The following ESRRB variants were observed in gnomAD, a reference collection of about 807,000 sequenced individuals.
The protein encoded by ESRRB is steroid hormone receptor ERR2.
A neutral mutation model predicts 46.0 loss-of-function variants in ESRRB; 16 were observed. That is an observed-to-expected ratio of 0.35 (90% confidence interval 0.24 to 0.53). The LOEUF is 0.53. ESRRB is among the 20% of genes least tolerant of loss of function. The pLI, the probability that ESRRB is intolerant of heterozygous loss-of-function variation, is 0.93. For missense variants in ESRRB, 488 were observed against 607.4 expected (o/e 0.80, Z 2.07); for synonymous variants, 246 against 259.6 (o/e 0.95, Z 0.50).
At chr14:76,429,915 G>A (rs1282030958) in intron 1 of ESRRB, among the ~76,000 whole-genome samples, 3 of 151,416 alleles carry the variant, frequency 2.0e-5, no homozygotes, top group South Asian at 2.1e-4. Flanking sequence ...CTTCATTATC[G>A]CTGGTTCGTA....
At chr14:76,355,699 C>T (rs61979373) in intron 1 of ESRRB, among the ~76,000 whole-genome samples, 29,792 of 152,090 alleles carry the variant, frequency 0.2, 3,643 homozygotes, top group Non-Finnish European at 0.28. Flanking sequence ...CAGTTTTCTT[C>T]TCTGTAAAGT....
intron 1 of ESRRB, among the ~76,000 whole-genome samples, chr14:76,379,929 T>C (rs1269342251): frequency 6.6e-6 from 1 of 151,264 alleles, no homozygotes; most frequent in Admixed American, 6.6e-5. Context: ...TTCTATTGAT[T>C]TGGAGTAATC....
chr14:76,487,606 CT>C (rs1159124152), intron 5 of ESRRB, among the ~76,000 whole-genome samples: 2 of 148,950 alleles, frequency 1.3e-5, no homozygotes, highest in Non-Finnish European at 3.0e-5. Flanking sequence ...GGATAAATTT[CT>C]TTTTTTTTCT....
chr14:76,333,642 C>G (rs949733529), intron 1 of ESRRB, among the ~76,000 whole-genome samples: 3 of 149,982 alleles, frequency 2.0e-5, no homozygotes, highest in Non-Finnish European at 4.4e-5. Flanking sequence ...TTTTTTAAGT[C>G]AAAAGAAACA....
In ESRRB at chr14:76,334,151, G is replaced by A. The variant is rs548813894; in HGVS notation, c.2+23235G>A. ...TAAGAATAATAAATCTCTGAAGGAC[G>A]AACAGTCCAGGCAGAAACCAGCAGA... On this transcript the variant is annotated intron_variant, in intron 1 of 6. Coordinates refer to the ESRRB transcript ENST00000512784. Among the ~76,000 whole-genome samples, 14 of 152,220 alleles carry A rather than the reference G, an allele frequency of 9.2e-5. No homozygotes were observed. In the East Asian group the frequency reaches 1.7e-3, roughly 19 times the overall value.
intron 5 of ESRRB, among the ~76,000 whole-genome samples, chr14:76,489,894 G>A (rs2019856): frequency 0.048 from 7,346 of 152,274 alleles, 259 homozygotes; most frequent in Non-Finnish European, 0.081. Flanking sequence ...TGCCAATGGT[G>A]TGCCAACAAC....
chr14:76,361,126 A>G (rs895724835), intron 1 of ESRRB, among the ~76,000 whole-genome samples: 2 of 152,184 alleles, frequency 1.3e-5, no homozygotes, highest in African/African-American at 4.8e-5. Flanking sequence ...AATACATTTG[A>G]GAAGCTGCCC....
At chr14:76,433,955 C>A (rs572198952) in intron 1 of ESRRB, among the ~76,000 whole-genome samples, 2 of 144,424 alleles carry the variant, frequency 1.4e-5, no homozygotes, top group Non-Finnish European at 1.5e-5. Context: ...CTCTGTCCTG[C>A]CTTTACATTT....
intron 2 of ESRRB, among the ~76,000 whole-genome samples, chr14:76,452,479 T>C (rs1888423399): frequency 6.6e-6 from 1 of 151,526 alleles, no homozygotes; most frequent in Non-Finnish European, 1.5e-5. Context: ...ATACAAAAAT[T>C]AGCCAGGCGT....
upstream of ESRRB, among the ~76,000 whole-genome samples, chr14:76,369,614 G>T (rs6574291): frequency 0.21 from 32,193 of 151,748 alleles, 4,217 homozygotes; most frequent in East Asian, 0.44. Flanking sequence ...GCATTTGCTG[G>T]TTTTTTTTCT....
At chr14:76,357,246 G>A (rs931894946) in intron 1 of ESRRB, among the ~76,000 whole-genome samples, 3 of 152,198 alleles carry the variant, frequency 2.0e-5, no homozygotes, top group Admixed American at 2.0e-4. Flanking sequence ...ATGCACAAAA[G>A]TATTACCCAA....
At chr14:76,449,915 C>G (rs2139959263) in intron 2 of ESRRB, among the ~76,000 whole-genome samples, 2 of 152,044 alleles carry the variant, frequency 1.3e-5, no homozygotes, top group Middle Eastern at 3.4e-3. Flanking sequence ...ACCACCATGC[C>G]CGGCTAATTT....
At chr14:76,452,626 A>AAAAAAACAAAAACAAAAC (rs369877913) in intron 2 of ESRRB, among the ~76,000 whole-genome samples, 1 of 124,278 alleles carries the variant, frequency 8.0e-6, no homozygotes, top group Non-Finnish European at 1.6e-5. Flanking sequence ...TCTCCAAAAA[A>AAAAAAACAAAAACAAAAC]AAAAACAAAA....
At chr14:76,323,767 G>A (rs558174013) in intron 1 of ESRRB, among the ~76,000 whole-genome samples, 1 of 152,288 alleles carries the variant, frequency 6.6e-6, no homozygotes, top group African/African-American at 2.4e-5. Flanking sequence ...TCAACTTCCC[G>A]AGTGGTGGCC....
chr14:76,439,824 C>T, intron 2 of ESRRB, 74 bp downstream of exon 2: 1 of 1,517,958 alleles, frequency 6.6e-7, no homozygotes, highest in South Asian at 1.2e-5. Flanking sequence ...TGGCAGAAGC[C>T]CTAGGAATTC....
intron 1 of ESRRB, among the ~76,000 whole-genome samples, chr14:76,401,572 G>T (rs1885946382): frequency 6.6e-6 from 1 of 152,200 alleles, no homozygotes; most frequent in Non-Finnish European, 1.5e-5. Flanking sequence ...GGTCTCATAA[G>T]ATTATAACAC....
upstream of ESRRB, among the ~76,000 whole-genome samples, chr14:76,369,154 G>A (rs1180390239): frequency 6.7e-6 from 1 of 148,536 alleles, no homozygotes; most frequent in African/African-American, 2.5e-5. Flanking sequence ...CTGAGATGGT[G>A]CCACTGCACT....
chr14:76,423,553 T>C (rs890251545), intron 1 of ESRRB, among the ~76,000 whole-genome samples: 11 of 152,156 alleles, frequency 7.2e-5, no homozygotes, highest in Non-Finnish European at 1.6e-4. Flanking sequence ...CTCTGTGGGT[T>C]CTGCTCCTGG....
intron 1 of ESRRB, chr14:76,404,468 T>A (rs1264934722): frequency 2.6e-5 from 4 of 152,192 alleles, no homozygotes; most frequent in Non-Finnish European, 5.9e-5. Flanking sequence ...AGGTATCTAA[T>A]AAATATTGTG....
Sources: gnomAD v4.1 joint callset for allele counts (sites outside exome capture counted in the v4.1 genomes callset) on GRCh38, gnomAD v4.1.1 for gene constraint, MANE v1.5 for transcripts, NCBI Gene and HGNC (gene_info 2026-07-23, HGNC 2026-07-21) for gene names.